The following HOXA3 variants were observed in gnomAD, a reference collection of about 807,000 sequenced individuals.
HOXA3 encodes homeobox A3.
A neutral mutation model predicts 30.3 loss-of-function variants in HOXA3; 8 were observed. The observed-to-expected ratio is 0.26, with a 90% CI of 0.15 to 0.48. The LOEUF (loss-of-function observed/expected upper bound fraction) is 0.48, where lower values mean the gene tolerates loss of function less well. Among genes scored for constraint, HOXA3 ranks in the 20% least tolerant of loss-of-function variants. The pLI, the probability that HOXA3 is intolerant of heterozygous loss-of-function variation, is 0.99. For synonymous variants in HOXA3, 323 were observed against 273.1 expected (o/e 1.18, Z -1.80); for missense variants, 653 against 614.4 (o/e 1.06, Z -0.66).
At chr7:27,149,643 C>A (rs374475244) in intron 1 of HOXA3, among the ~76,000 whole-genome samples, 2 of 152,190 alleles carry the variant, frequency 1.3e-5, no homozygotes, top group East Asian at 1.9e-4. Context: ...GTTTACTTTG[C>A]ATATAAAGCA....
At chr7:27,130,007 G>A in intron 2 of HOXA3, 2 of 1,282,172 alleles carry the variant, frequency 1.6e-6, no homozygotes, top group Non-Finnish European at 2.2e-6. Context: ...GTCAGATGGG[G>A]GCTCCCCTCC....
At chr7:27,141,896 T>C (rs967651559) in intron 1 of HOXA3, 2 of 1,614,124 alleles carry the variant, frequency 1.2e-6, no homozygotes, top group African/African-American at 2.7e-5. Flanking sequence ...ATTATCTTTT[T>C]TCCACTTCAT....
chr7:27,120,363 C>A (rs1282940422), intron 4 of HOXA3, among the ~76,000 whole-genome samples: 1 of 151,734 alleles, frequency 6.6e-6, no homozygotes, highest in Non-Finnish European at 1.5e-5. Context: ...CAACATGGTG[C>A]AACCCCGTCT....
intron 1 of HOXA3, chr7:27,145,452 GTTTT>G (rs74624015): frequency 0.16 from 88,698 of 557,560 alleles, 8,654 homozygotes; most frequent in East Asian, 0.22. Context: ...GTGAGGTTTT[GTTTT>G]GTTTTGTTTT....
chr7:27,110,006 G>T, intron 5 of HOXA3, 109 bp downstream of exon 5: 1 of 1,357,134 alleles, frequency 7.4e-7, no homozygotes, highest in Non-Finnish European at 1.0e-6. Context: ...TGGGAGCAGT[G>T]AATTCCAGAC....
intron 1 of HOXA3, among the ~76,000 whole-genome samples, chr7:27,149,612 AGTCGATCC>A (rs1782900246): frequency 6.6e-6 from 1 of 152,378 alleles, no homozygotes; most frequent in African/African-American, 2.4e-5. Context: ...CCTGTTCCCC[AGTCGATCC>A]GTCCTGGAAA....
rs1338817885 is a variant in HOXA3 at position 27,110,196 on chromosome 7, G to C, written c.445C>G (p.Pro149Ala). Residue 149 changes from proline to alanine, a missense_variant, in exon 5 of 6, where the codon CCC becomes GCC. Physicochemically the swap from Pro to Ala is conservative, Grantham distance 27 (BLOSUM62 -1). Around this residue, in one of 3 missense-constraint regions of HOXA3, gnomAD observed 320 missense variants for 321.9 expected, o/e 0.99. Coordinates refer to ENST00000612286, the MANE Select transcript of HOXA3 (RefSeq NM_153631.3). ...NAAKSPLLNS[P>A]TVAKQIFPWM... Reference sequence around the variant, plus strand: ...GGGAAGATTTGTTTGGCCACTGTGGGTGAGTTGAGCAGGGGGCTCTTGGCC... The same window carrying C: ...GGGAAGATTTGTTTGGCCACTGTGGCTGAGTTGAGCAGGGGGCTCTTGGCC... 3 of 1,614,142 alleles carry C rather than the reference G, an allele frequency of 1.9e-6. No homozygotes were observed. Among genetic ancestry groups the C allele is most frequent in the Non-Finnish European group, 1.7e-6 (2 of 1,180,008 alleles).
chr7:27,135,239 T>C (rs1219765905), intron 2 of HOXA3, among the ~76,000 whole-genome samples: 1 of 152,056 alleles, frequency 6.6e-6, no homozygotes, highest in Non-Finnish European at 1.5e-5. Flanking sequence ...ATAGAAAATA[T>C]TCTATTCTGT....
At chr7:27,152,245 C>A (rs1033489366) in intron 1 of HOXA3, 43 bp downstream of exon 1, 2 of 1,229,302 alleles carry the variant, frequency 1.6e-6, no homozygotes, top group African/African-American at 1.6e-5. Context: ...CGCCGGCTGT[C>A]GCCTCACCAC....
chr7:27,111,357 G>C (rs1784363766), intron 4 of HOXA3, among the ~76,000 whole-genome samples: 1 of 152,156 alleles, frequency 6.6e-6, no homozygotes, highest in Admixed American at 6.5e-5. Context: ...ATCCAACCAT[G>C]CTGGATTTCA....
intron 2 of HOXA3, among the ~76,000 whole-genome samples, chr7:27,134,810 A>T (rs984660682): frequency 1.3e-5 from 2 of 152,234 alleles, no homozygotes; most frequent in Non-Finnish European, 2.9e-5. Context: ...GGCACCATTA[A>T]ATCCAATCAA....
chr7:27,142,216 C>T, intron 1 of HOXA3: 1 of 912,578 alleles, frequency 1.1e-6, no homozygotes, highest in South Asian at 1.7e-5. Context: ...GCCCGCACAC[C>T]CCTCCCGAAT....
chr7:27,130,650 GC>G, intron 2 of HOXA3: 1 of 1,601,682 alleles, frequency 6.2e-7, no homozygotes, highest in South Asian at 1.1e-5. Context: ...CGCCGCCCGA[GC>G]CGCTGTGCTG....
chr7:27,120,972 G>A (rs1023203207), intron 4 of HOXA3: 1 of 152,156 alleles, frequency 6.6e-6, no homozygotes, highest in Admixed American at 6.5e-5. Flanking sequence ...GCCTGCGCTG[G>A]GACTGATACT....
chr7:27,132,021 A>C (rs975773071), intron 2 of HOXA3, among the ~76,000 whole-genome samples: 2 of 152,218 alleles, frequency 1.3e-5, no homozygotes, highest in African/African-American at 2.4e-5. Context: ...CAAATAAATT[A>C]CTTATTAATT....
At chr7:27,114,873 A>T (rs1160129280) in intron 4 of HOXA3, among the ~76,000 whole-genome samples, 3 of 118,240 alleles carry the variant, frequency 2.5e-5, no homozygotes. Context: ...AATATATATT[A>T]TATATATGTA....
rs1031944281 is a variant in HOXA3 at position 27,113,609 on chromosome 7, T to G, written c.-120-2849A>C. On this transcript the variant is annotated intron_variant, in intron 4 of 5. Coordinates refer to ENST00000612286, the MANE Select transcript of HOXA3 (RefSeq NM_153631.3). This position sits in a 1 kb window ranked among gnomAD's most constrained non-coding sequence, Gnocchi z 4.8. Reference sequence around the variant, plus strand: ...GCCATTCAGCGCCGGGAGCGGCCGGTTGCGGCCCTGCTTACCTTAACTTCT... The same window carrying G: ...GCCATTCAGCGCCGGGAGCGGCCGGGTGCGGCCCTGCTTACCTTAACTTCT... 1.3e-5 allele frequency: 2 copies of G among 151,912 alleles called. No individual in the cohort carries two copies. The highest frequency in any genetic ancestry group is 2.9e-5 in the Non-Finnish European group (2 of 68,004). The allele number at this position is 151,912 out of a possible 1,614,324, so 9.4% of individuals were successfully genotyped here.
In HOXA3 at chr7:27,110,718, C is replaced by T; in HGVS notation, c.-78G>A. Reference sequence around the variant, plus strand: ...GAGGGCGCACATTGGCACGCCCCCGCGGTCACGTGACACTCCGCCGCCAAT... The same window carrying T: ...GAGGGCGCACATTGGCACGCCCCCGTGGTCACGTGACACTCCGCCGCCAAT... On this transcript the variant is annotated 5_prime_UTR_variant, in exon 5 of 6. Coordinates refer to ENST00000612286, the MANE Select transcript of HOXA3 (RefSeq NM_153631.3). 1 of 1,574,736 alleles carries T rather than the reference C, an allele frequency of 6.4e-7. No homozygotes were observed. The highest frequency in any genetic ancestry group is 1.1e-5 in the South Asian group (1 of 89,446).
chr7:27,126,473 A>G (rs1785289297), intron 3 of HOXA3, among the ~76,000 whole-genome samples: 1 of 152,070 alleles, frequency 6.6e-6, no homozygotes, highest in African/African-American at 2.4e-5. Flanking sequence ...GAGATAGAAA[A>G]TTTGTCCTCT....
Sources: gnomAD v4.1 joint callset for allele counts (sites outside exome capture counted in the v4.1 genomes callset) on GRCh38, gnomAD v4.1.1 for gene constraint, gnomAD v4.1.1 regional missense constraint, Gnocchi (gnomAD v3.1) non-coding constraint, MANE v1.5 for transcripts, NCBI Gene and HGNC (gene_info 2026-07-23, HGNC 2026-07-21) for gene names.